Variants in AHCYL1 observed in about 807,000 individuals in gnomAD.
AHCYL1 encodes S-adenosylhomocysteine hydrolase-like protein 1.
Under a neutral mutation model 79.3 loss-of-function variants are expected in AHCYL1, and 20 were observed. That is an observed-to-expected ratio of 0.25 (90% CI 0.18 to 0.37). The LOEUF (loss-of-function observed/expected upper bound fraction) is 0.37. Among genes scored for constraint, AHCYL1 ranks in the 10% least tolerant of loss-of-function variants. AHCYL1 has a pLI of 1.00. For missense variants in AHCYL1, 330 were observed against 673.6 expected, an observed-to-expected ratio of 0.49 and a Z score of 5.65; for synonymous variants, 223 against 242.2, an observed-to-expected ratio of 0.92 and a Z score of 0.74.
At chr1:109,998,183 C>T (rs889054379) in intron 1 of AHCYL1, among the ~76,000 whole-genome samples, 1 of 152,124 alleles carries the variant, frequency 6.6e-6, no homozygotes, top group Non-Finnish European at 1.5e-5. Flanking sequence ...TTTAAAGAAG[C>T]CCTTTAAAAT....
intron 1 of AHCYL1, among the ~76,000 whole-genome samples, chr1:109,987,238 T>G (rs1649514646): frequency 6.6e-6 from 1 of 152,232 alleles, no homozygotes; most frequent in Non-Finnish European, 1.5e-5. Context: ...ACATAGCAAG[T>G]CCTAGGCAAT....
intron 8 of AHCYL1, 42 bp from the exon 9 acceptor site, chr1:110,016,625 G>T: frequency 6.2e-7 from 1 of 1,612,588 alleles, no homozygotes; most frequent in South Asian, 1.1e-5. Context: ...GACTGAGTTT[G>T]AGCTATTAAC....
In AHCYL1 at chr1:110,021,584, G is replaced by C. The variant is rs1651797174; in HGVS notation, c.1587-90G>C. On this transcript the variant is annotated intron_variant, in intron 16 of 16. Transcript: ENST00000369799. The stretch of plus-strand genomic sequence containing the variant: ...GGGATCCCACCCAGGCTGGGGAGGG[G>C]CCCTGGAGAAGGTGCTCTGTTTCCG... The C allele has an allele frequency of 2.3e-6, 3 of 1,320,488 alleles. No homozygotes were observed. The Admixed American group carries it at 5.3e-5, about 23-fold the overall frequency. The allele number at this position is 1,320,488 out of a possible 1,614,324, so 81.8% of individuals were successfully genotyped here. A position where few individuals can be genotyped will look rare whatever the true frequency, so the allele number is the denominator to read the frequency against.
chr1:109,990,329 A>G (rs1199428032), intron 1 of AHCYL1, among the ~76,000 whole-genome samples: 2 of 152,144 alleles, frequency 1.3e-5, no homozygotes, highest in African/African-American at 4.8e-5. Flanking sequence ...GTAAATAGTA[A>G]TTAGTGGGGT....
At chr1:110,008,442 T>G (rs1650806494) in intron 1 of AHCYL1, among the ~76,000 whole-genome samples, 1 of 152,200 alleles carries the variant, frequency 6.6e-6, no homozygotes, top group South Asian at 2.1e-4. Context: ...TTCTGGTATT[T>G]TAAATTTTTA....
chr1:110,002,790 T>G (rs1037414658), intron 1 of AHCYL1, among the ~76,000 whole-genome samples: 1 of 152,256 alleles, frequency 6.6e-6, no homozygotes, highest in Admixed American at 6.5e-5. Context: ...CAACCCGACA[T>G]GTGCCTCCTG....
intron 15 of AHCYL1, 107 bp from the exon 16 acceptor site, chr1:110,020,624 C>T: frequency 7.3e-7 from 1 of 1,366,822 alleles, no homozygotes; most frequent in Non-Finnish European, 9.9e-7. Flanking sequence ...AGAGTTATTC[C>T]ATCCCTTGTC....
chr1:110,007,104 C>G (rs1206173639), intron 1 of AHCYL1, among the ~76,000 whole-genome samples: 1 of 152,272 alleles, frequency 6.6e-6, no homozygotes, highest in African/African-American at 2.4e-5. Context: ...ACATTTCTCT[C>G]TTGCCACAGC....
chr1:110,010,688 C>T (rs1447534887), intron 2 of AHCYL1, among the ~76,000 whole-genome samples: 1 of 152,202 alleles, frequency 6.6e-6, no homozygotes, highest in Non-Finnish European at 1.5e-5. Flanking sequence ...GCATCAGCAA[C>T]ACCTGGTAAC....
intron 1 of AHCYL1, among the ~76,000 whole-genome samples, chr1:109,999,408 C>T (rs557285678): frequency 9.6e-4 from 147 of 152,372 alleles, no homozygotes; most frequent in African/African-American, 3.5e-3. Flanking sequence ...TAACTCCAAA[C>T]TGTACCCTTT....
At chr1:109,999,199 A>G (rs1327489290) in intron 1 of AHCYL1, among the ~76,000 whole-genome samples, 4 of 152,030 alleles carry the variant, frequency 2.6e-5, no homozygotes, top group Non-Finnish European at 5.9e-5. Flanking sequence ...TGATATTTTT[A>G]TGTATACATT....
At chr1:109,993,060 A>G (rs1649848809) in intron 1 of AHCYL1, among the ~76,000 whole-genome samples, 1 of 152,182 alleles carries the variant, frequency 6.6e-6, no homozygotes, top group South Asian at 2.1e-4. Context: ...AAGACTCATT[A>G]TAAGTGCCTT....
At chr1:110,014,637 C>A in intron 5 of AHCYL1, 126 bp from the exon 6 acceptor site, 2 of 623,212 alleles carry the variant, frequency 3.2e-6, no homozygotes, top group South Asian at 2.4e-5. Flanking sequence ...TGACTTTTGG[C>A]TCTGAATTTT....
chr1:110,015,215 T>G (rs1398149332), intron 6 of AHCYL1, among the ~76,000 whole-genome samples: 1 of 152,236 alleles, frequency 6.6e-6, no homozygotes, highest in African/African-American at 2.4e-5. Context: ...TACTCATCAC[T>G]GTAGCCTAAA....
Position 110,012,483 on chromosome 1 carries a change from G to T in AHCYL1, c.477+21G>T, listed in dbSNP as rs771545166. 5 of 1,555,018 alleles carry T rather than the reference G, an allele frequency of 3.2e-6. No homozygotes were observed. In the African/African-American group the frequency reaches 5.5e-5, roughly 17 times the overall value. On this transcript the variant is annotated intron_variant, in intron 4 of 16. Transcript: ENST00000369799. ...CAGCGGTGAGTTTGTTGGAAGAAAA[G>T]AGGGACTTCTGATAAGGGGAAGAAA...
intron 1 of AHCYL1, among the ~76,000 whole-genome samples, chr1:109,999,453 C>A (rs191477869): frequency 7.9e-5 from 12 of 152,216 alleles, no homozygotes; most frequent in Admixed American, 2.6e-4. Flanking sequence ...ACCTTCCTGA[C>A]GCCTGGTAAG....
At position 110,012,441 on chromosome 1, in the gene AHCYL1, A is replaced by G. The variant is rs781472729; in HGVS notation, c.456A>G (p.Thr152=). 1 of 1,612,432 alleles carries G rather than the reference A, an allele frequency of 6.2e-7. No individual in the cohort carries two copies. Among genetic ancestry groups the G allele is most frequent in the Non-Finnish European group, 8.5e-7 (1 of 1,179,224 alleles). The change falls in exon 4 of 17, where the codon ACA becomes ACG. Residue 152 remains threonine, a synonymous_variant. Transcript: ENST00000369799. ...PLAGAKIVGC[T]HITAQTAVLI... is the part of the protein sequence containing the mutation. ...CTGGTGCTAAAATAGTGGGCTGTACACACATCACAGCCCAGACAGCGGTGA... is the reference window on the plus strand; with the variant it reads ...CTGGTGCTAAAATAGTGGGCTGTACGCACATCACAGCCCAGACAGCGGTGA...
At chr1:110,009,230 C>CT in intron 2 of AHCYL1, 85 bp downstream of exon 2, 1 of 1,231,466 alleles carries the variant, frequency 8.1e-7, no homozygotes, top group Non-Finnish European at 1.2e-6. Flanking sequence ...CTGAAAATAC[C>CT]TCATGTTATG....
chr1:109,997,731 T>C (rs980785427), intron 1 of AHCYL1, among the ~76,000 whole-genome samples: 2 of 152,210 alleles, frequency 1.3e-5, no homozygotes, highest in African/African-American at 2.4e-5. Context: ...GAGAGAATTA[T>C]GTAGAAAGAC....
Sources: gnomAD v4.1 joint callset for allele counts (sites outside exome capture counted in the v4.1 genomes callset) on GRCh38, gnomAD v4.1.1 for gene constraint, MANE v1.5 for transcripts, NCBI Gene and HGNC (gene_info 2026-07-23, HGNC 2026-07-21) for gene names.